TLE1: variants seen among roughly 807,000 people sequenced by gnomAD.
TLE1 encodes transducin-like enhancer protein 1.
A neutral mutation model predicts 89.8 loss-of-function variants in TLE1; 21 were observed. The ratio of observed to expected loss-of-function variants is 0.23; its 90% CI spans 0.17 to 0.34. The LOEUF is 0.34. TLE1 is among the 10% of genes least tolerant of loss of function. The pLI is 1.00. For synonymous variants in TLE1, 447 were observed against 407.6 expected (o/e 1.10, Z -1.16); for missense variants, 795 against 1,031.2 (o/e 0.77, Z 3.14).
intron 8 of TLE1, among the ~76,000 whole-genome samples, chr9:81,629,476 C>G (rs975085038): frequency 6.6e-6 from 1 of 152,178 alleles, no homozygotes; most frequent in Non-Finnish European, 1.5e-5. Flanking sequence ...AGCCAAACCT[C>G]TATAAAGTTG....
At chr9:81,653,926 C>T in intron 5 of TLE1, 48 bp downstream of exon 5, 1 of 1,563,586 alleles carries the variant, frequency 6.4e-7, no homozygotes, top group East Asian at 2.2e-5. Flanking sequence ...AATTTGCAAA[C>T]AGAGAAGCAA....
chr9:81,603,126 G>C (rs764848082), intron 14 of TLE1, among the ~76,000 whole-genome samples: 1 of 152,164 alleles, frequency 6.6e-6, no homozygotes, highest in African/African-American at 2.4e-5. Context: ...CCACCTAGAG[G>C]TTCAGCCCCT....
intron 16 of TLE1, among the ~76,000 whole-genome samples, chr9:81,589,173 C>T (rs1246787025): frequency 6.6e-6 from 1 of 152,108 alleles, no homozygotes. Flanking sequence ...GCTTTCCTTC[C>T]CTTCAAACAG....
intron 4 of TLE1, among the ~76,000 whole-genome samples, chr9:81,667,970 C>T (rs1831702508): frequency 6.6e-6 from 1 of 152,048 alleles, no homozygotes; most frequent in Non-Finnish European, 1.5e-5. Context: ...TCGAGATCAG[C>T]CTGGCCAACA....
intron 4 of TLE1, among the ~76,000 whole-genome samples, chr9:81,658,763 AGTCTG>A (rs1196293410): frequency 6.6e-6 from 1 of 152,130 alleles, no homozygotes; most frequent in Non-Finnish European, 1.5e-5. Flanking sequence ...CCCTTCAAAT[AGTCTG>A]GATTGCAGCA....
chr9:81,601,442 G>A (rs574149505), intron 14 of TLE1, among the ~76,000 whole-genome samples: 6 of 152,064 alleles, frequency 3.9e-5, no homozygotes, highest in Admixed American at 3.9e-4. Context: ...TACATGTCTG[G>A]CATTAAAACA....
chr9:81,672,926 A>C (rs1453480956), intron 4 of TLE1, among the ~76,000 whole-genome samples: 2 of 152,178 alleles, frequency 1.3e-5, no homozygotes, highest in Non-Finnish European at 2.9e-5. Context: ...ATTGCCTTCC[A>C]AGGACACATT....
intron 8 of TLE1, among the ~76,000 whole-genome samples, chr9:81,621,596 G>C (rs1390056862): frequency 2.0e-5 from 3 of 152,158 alleles, no homozygotes; most frequent in Non-Finnish European, 4.4e-5. Context: ...AAATAGAAGG[G>C]GCTGGGGGAT....
intron 12 of TLE1, 192 bp from the exon 13 acceptor site, chr9:81,612,151 G>GA (rs1361201928): frequency 1.6e-6 from 1 of 619,082 alleles, no homozygotes; most frequent in African/African-American, 1.9e-5. Flanking sequence ...GCATCTCCAG[G>GA]AAAGAAAAGA....
chr9:81,682,833 A>G (rs1833795301), intron 4 of TLE1, among the ~76,000 whole-genome samples: 1 of 152,208 alleles, frequency 6.6e-6, no homozygotes, highest in South Asian at 2.1e-4. Flanking sequence ...GGATCTATAA[A>G]GGGCTCCAAG....
chr9:81,587,697 T>G lies in TLE1; in HGVS notation c.1961A>C (p.His654Pro). 6.2e-7 allele frequency: 1 copy of G among 1,613,040 alleles called. No homozygotes were observed. Among genetic ancestry groups the G allele is most frequent in the Non-Finnish European group, 8.5e-7 (1 of 1,179,396 alleles). Residue 654 changes from histidine (H) to proline (P), a missense_variant, in exon 17 of 20, where the codon CAC (histidine) becomes CCC (proline). By Grantham distance (77) the His-to-Pro change is moderately conservative (BLOSUM62 -2). This residue lies in a region of TLE1 where 214 missense variants were observed against 354.9 expected (regional missense o/e 0.60). Transcript: ENST00000376499. Reference sequence around the variant, plus strand: ...CTCAGTCACCTGGGAGGTGAAGTCGTGCTGCTGCAGCTGCCGCCCCTCGCG... The same window carrying G: ...CTCAGTCACCTGGGAGGTGAAGTCGGGCTGCTGCAGCTGCCGCCCCTCGCG... Reference protein sequence around the residue: ...DLREGRQLQQHDFTSQIFSLG... With the variant: ...DLREGRQLQQPDFTSQIFSLG...
intron 14 of TLE1, among the ~76,000 whole-genome samples, chr9:81,596,587 G>C (rs775392426): frequency 2.6e-5 from 4 of 152,162 alleles, no homozygotes; most frequent in Non-Finnish European, 5.9e-5. Context: ...ACTAGGAAAA[G>C]TAAAACCAAT....
At chr9:81,587,631 C>A (rs1828706657) in intron 17 of TLE1, 50 bp downstream of exon 17, 3 of 1,553,842 alleles carry the variant, frequency 1.9e-6, no homozygotes, top group Non-Finnish European at 2.6e-6. Context: ...GAGGAAGACA[C>A]ACCCCAGCCA....
rs10577556 is a variant in TLE1, at chr9:81,667,717, T to TC, written c.235-13682dup. On this transcript the variant is annotated intron_variant, in intron 4 of 19. Transcript: ENST00000376499. ...CCCAGCCCTTGAGCTGTATTCCTGC[T>TC]CCCCCCCAAGCTGAGTGGCTGGGGA... 8.0e-3 allele frequency among the ~76,000 whole-genome samples: 1,213 copies of TC among 151,542 alleles called. 23 individuals are homozygous for TC. The highest frequency in any genetic ancestry group is 0.028 in the African/African-American group (1,151 of 41,256).
chr9:81,639,331 G>A (rs1314978424), intron 6 of TLE1, among the ~76,000 whole-genome samples: 1 of 152,046 alleles, frequency 6.6e-6, no homozygotes, highest in African/African-American at 2.4e-5. Flanking sequence ...CTTCCAAAGT[G>A]CTAGATTACA....
rs554411581 is a variant in TLE1 at position 81,661,515 on chromosome 9, T to C, written c.235-7479A>G. ...GAGGGGAAACTCCACCAGCATTAAA[T>C]TGCAAATTGATGGATCATAAAAAAA... On this transcript the variant is annotated intron_variant, in intron 4 of 19. Transcript: ENST00000376499. 8.5e-5 allele frequency among the ~76,000 whole-genome samples: 13 copies of C among 152,106 alleles called. No individual in the cohort carries two copies. The East Asian group carries it at 2.3e-3, about 27-fold the overall frequency.
chr9:81,675,164 G>A (rs1335512008), intron 4 of TLE1, among the ~76,000 whole-genome samples: 1 of 152,136 alleles, frequency 6.6e-6, no homozygotes, highest in Admixed American at 6.6e-5. Flanking sequence ...GGAGCCTATG[G>A]AAGATATATG....
chr9:81,671,644 CAAA>C (rs1313960980), intron 4 of TLE1, among the ~76,000 whole-genome samples: 1 of 125,336 alleles, frequency 8.0e-6, no homozygotes, highest in East Asian at 2.3e-4. Context: ...GACTCCGTCT[CAAA>C]AAAAAAAAAG....
At position 81,665,864 on chromosome 9, in the gene TLE1, T is replaced by TC. The variant is rs1339663885; in HGVS notation, c.235-11829_235-11828insG. Among the ~76,000 whole-genome samples, 6 of 150,148 alleles carry TC rather than the reference T, an allele frequency of 4.0e-5. No individual in the cohort carries two copies. The East Asian group carries it at 1.2e-3, about 30-fold the overall frequency. ...GGCCCCACTTGAGGGCTGCCCTCAT[T>TC]TTTTTTTTTTTAAAGAATTCAGTTG... On this transcript the variant is annotated intron_variant, in intron 4 of 19. Coordinates refer to ENST00000376499, the MANE Select transcript of TLE1 (RefSeq NM_005077.5).
Sources: gnomAD v4.1 joint callset for allele counts (sites outside exome capture counted in the v4.1 genomes callset) on GRCh38, gnomAD v4.1.1 for gene constraint, gnomAD v4.1.1 regional missense constraint, MANE v1.5 for transcripts, NCBI Gene and HGNC (gene_info 2026-07-23, HGNC 2026-07-21) for gene names.